The following OSCP1 variants were observed in gnomAD, a reference collection of about 807,000 sequenced individuals.
OSCP1 encodes the protein protein OSCP1.
In OSCP1, 35 loss-of-function variants were observed where a neutral mutation model predicts 45.1. That is an observed-to-expected ratio of 0.78 (90% CI 0.59 to 1.03). OSCP1 has a LOEUF of 1.03. OSCP1 is among the 50% of genes least tolerant of loss of function. The pLI, the probability that OSCP1 is intolerant of heterozygous loss-of-function variation, is 0.00. For synonymous variants in OSCP1, 179 were observed against 180.1 expected (o/e 0.99, Z 0.05); for missense variants, 400 against 470.7 (o/e 0.85, Z 1.39).
intron 1 of OSCP1, among the ~76,000 whole-genome samples, chr1:36,441,931 GA>G (rs1347033391): frequency 6.6e-6 from 1 of 150,726 alleles, no homozygotes; most frequent in Non-Finnish European, 1.5e-5. Context: ...ATTTCAATAG[GA>G]AGAGGCTAAG....
chr1:36,442,226 CAAA>C (rs72150069), intron 1 of OSCP1, among the ~76,000 whole-genome samples: 5 of 113,906 alleles, frequency 4.4e-5, no homozygotes, highest in Non-Finnish European at 5.7e-5. Flanking sequence ...AACTCCGTCT[CAAA>C]AAAAAAAAAA....
chr1:36,420,100 C>T lies in OSCP1; in HGVS notation c.959+376G>A, dbSNP rs566621457. 9.3e-5 allele frequency among the ~76,000 whole-genome samples: 14 copies of T among 151,082 alleles called. No individual in the cohort carries two copies. The South Asian group carries it at 2.1e-3, about 23-fold the overall frequency. On this transcript the variant is annotated intron_variant, in intron 8 of 9. Transcript: ENST00000235532. Reference sequence around the variant, plus strand: ...AAGTGATTTTCCTGCCTCAGCCTCCCGAGTAGCTGGGACTACAGGTGCGTG... The same window carrying T: ...AAGTGATTTTCCTGCCTCAGCCTCCTGAGTAGCTGGGACTACAGGTGCGTG...
Position 36,430,466 on chromosome 1 carries a change from A to G in OSCP1, c.516+1336T>C, listed in dbSNP as rs72919381. 4.2e-3 allele frequency among the ~76,000 whole-genome samples: 636 copies of G among 152,248 alleles called. 5 individuals carry two copies. Among genetic ancestry groups the G allele is most frequent in the African/African-American group, 0.015 (611 of 41,556 alleles). ...GAGGGCCTGAGCCAGGATGGTGGCA[A>G]CAGGGATGGAGAGGAAGGCGTGCCA... On this transcript the variant is annotated intron_variant, in intron 4 of 9. Transcript: ENST00000235532.
chr1:36,423,915 C>T (rs540438511), intron 4 of OSCP1, among the ~76,000 whole-genome samples: 1 of 151,752 alleles, frequency 6.6e-6, no homozygotes, highest in East Asian at 1.9e-4. Context: ...GAAAAAATTA[C>T]ACTTGCAGAG....
rs538032003 is a variant in OSCP1 at position 36,425,800 on chromosome 1, T to C, written c.517-2334A>G. Among the ~76,000 whole-genome samples, 6 of 151,764 alleles carry C rather than the reference T, an allele frequency of 4.0e-5. No homozygotes were observed. In the East Asian group the frequency reaches 1.2e-3, roughly 29 times the overall value. On this transcript the variant is annotated intron_variant, in intron 4 of 9. Transcript: ENST00000235532. ...GCTCAATAAATGGTAGCCAATACTC[T>C]TATTATTACAAGTCTATTTGGACAC...
rs193086762 is a variant in OSCP1, at chr1:36,445,845, G to C, written c.112+4413C>G. On this transcript the variant is annotated intron_variant, in intron 1 of 9. Transcript: ENST00000235532. ...TTCTCCCGCCTCAGCCTCCCGAGTA[G>C]CTGGGATTACAGGCACCTGCCATCA... Among the ~76,000 whole-genome samples the C allele has an allele frequency of 4.2e-4, 64 of 152,036 alleles. 1 individual carries two copies. In the East Asian group the frequency reaches 9.7e-3, roughly 23 times the overall value.
In OSCP1 at chr1:36,447,268, CCT is replaced by C. The variant is rs1044009058; in HGVS notation, c.112+2988_112+2989del. On this transcript the variant is annotated intron_variant, in intron 1 of 9. Transcript: ENST00000235532. This position sits in a 1 kb window ranked among gnomAD's most constrained non-coding sequence, Gnocchi z 4.1. ...GCCCGTTGAATCCTATGCTCTCTAC[CCT>C]GTTTTCTCACTCTATCTTCTACAGA... 2.2e-4 allele frequency among the ~76,000 whole-genome samples: 34 copies of C among 152,082 alleles called. No individual in the cohort carries two copies. Among genetic ancestry groups the C allele is most frequent in the African/African-American group, 8.0e-4 (33 of 41,408 alleles).
chr1:36,438,317 C>CA (rs35430845), intron 2 of OSCP1, among the ~76,000 whole-genome samples: 10,292 of 73,542 alleles, frequency 0.14, 1,049 homozygotes, highest in African/African-American at 0.29. Context: ...AACTCCATCT[C>CA]AAAAAAAAAA....
Position 36,431,793 on chromosome 1 carries a change from T to C in OSCP1, c.516+9A>G, listed in dbSNP as rs756271396. On this transcript the variant is annotated intron_variant, in intron 4 of 9. Transcript: ENST00000235532. The stretch of plus-strand genomic sequence containing the variant: ...TCCTGAGTGTTCCCAGGGCTGCCTA[T>C]TGACTTACTCGGATGTGCAGGTCTT... 2.5e-5 allele frequency: 41 copies of C among 1,613,108 alleles called. No homozygotes were observed. The Admixed American group carries it at 6.8e-4, about 27-fold the overall frequency.
intron 3 of OSCP1, 137 bp from the exon 4 acceptor site, chr1:36,432,019 C>T (rs915235713): frequency 2.8e-5 from 20 of 718,112 alleles, no homozygotes; most frequent in Non-Finnish European, 3.6e-5. Flanking sequence ...GGAGGGGCAG[C>T]GGGGAGACCA....
chr1:36,446,801 C>T (rs570950560), intron 1 of OSCP1, among the ~76,000 whole-genome samples: 17 of 152,292 alleles, frequency 1.1e-4, no homozygotes, highest in Admixed American at 2.6e-4. Context: ...AGTTTCCTCT[C>T]CTGTAAAATG....
At chr1:36,423,269 T>C (rs1647761526) in intron 5 of OSCP1, 94 bp downstream of exon 5, 1 of 1,014,212 alleles carries the variant, frequency 9.9e-7, no homozygotes, top group South Asian at 1.3e-5. Flanking sequence ...CTGGGCAGAC[T>C]GTGAGTGGCT....
intron 8 of OSCP1, 162 bp from the exon 9 acceptor site, chr1:36,419,216 A>G (rs1259371789): frequency 1.5e-6 from 1 of 654,620 alleles, no homozygotes; most frequent in Non-Finnish European, 2.7e-6. Flanking sequence ...TACGACCTAG[A>G]AAGTCAAGTT....
At chr1:36,448,114 A>G (rs1649655342) in intron 1 of OSCP1, among the ~76,000 whole-genome samples, 1 of 152,220 alleles carries the variant, frequency 6.6e-6, no homozygotes, top group Non-Finnish European at 1.5e-5. Context: ...GCTTTAACAT[A>G]TATGTATTAT....
In OSCP1 at chr1:36,431,657, T is replaced by A. The variant is rs1175226251; in HGVS notation, c.516+145A>T. 8 of 627,210 alleles carry A rather than the reference T, an allele frequency of 1.3e-5. No homozygotes were observed. In the Admixed American group the frequency reaches 2.5e-4, roughly 20 times the overall value. The allele number at this position is 627,210 out of a possible 1,614,324, so 38.9% of individuals were successfully genotyped here. A position where few individuals can be genotyped will look rare whatever the true frequency, so the allele number is the denominator to read the frequency against. On this transcript the variant is annotated intron_variant, in intron 4 of 9. Coordinates refer to ENST00000235532, the MANE Select transcript of OSCP1 (RefSeq NM_145047.5). ...ATTTAAAAACTGCTGAGATGTATTA[T>A]CAATATCTTTATCATTAGAGAGGCA... is the stretch of plus-strand genomic sequence containing the variant.
intron 1 of OSCP1, among the ~76,000 whole-genome samples, chr1:36,444,198 T>A (rs1395132319): frequency 6.6e-6 from 1 of 152,238 alleles, no homozygotes; most frequent in Non-Finnish European, 1.5e-5. Flanking sequence ...TTGAAACCTT[T>A]AAAAGGATGA....
intron 4 of OSCP1, among the ~76,000 whole-genome samples, chr1:36,429,865 C>A (rs1269278161): frequency 6.8e-6 from 1 of 146,892 alleles, no homozygotes; most frequent in Non-Finnish European, 1.5e-5. Context: ...GGCTAGAGTG[C>A]AGTGGCACTA....
intron 7 of OSCP1, 110 bp downstream of exon 7, chr1:36,422,040 A>AG: frequency 9.6e-7 from 1 of 1,042,832 alleles, no homozygotes; most frequent in Non-Finnish European, 1.5e-6. Flanking sequence ...TGCACACAAC[A>AG]GGGGAAATGT....
rs1279982814 is a variant in OSCP1, at chr1:36,447,880, G to C, written c.112+2378C>G. ...TATCTCACATAGTGTTTGACACTCA[G>C]TCAAAATCTGTGGAATGAATGAGTG... On this transcript the variant is annotated intron_variant, in intron 1 of 9. Transcript: ENST00000235532. The surrounding 1 kb of genome is among the most constrained non-coding windows in gnomAD (Gnocchi z 4.1). 1 of 453,836 alleles carries C rather than the reference G, an allele frequency of 2.2e-6. No homozygotes were observed. The highest frequency in any genetic ancestry group is 2.4e-5 in the Admixed American group (1 of 42,448). 28.1% of individuals were successfully genotyped at this position (453,836 alleles called of 1,614,324 possible).
Sources: allele counts gnomAD v4.1 joint callset (sites outside exome capture counted in the v4.1 genomes callset), GRCh38; gene constraint gnomAD v4.1.1; non-coding constraint Gnocchi (gnomAD v3.1); transcripts MANE v1.5; gene names NCBI Gene and HGNC (gene_info 2026-07-23, HGNC 2026-07-21).